AK5: variants seen among roughly 807,000 people sequenced by gnomAD.
AK5 encodes adenylate kinase isoenzyme 5.
A neutral mutation model predicts 69.5 loss-of-function variants in AK5; 27 were observed. The ratio of observed to expected loss-of-function variants is 0.39; its 90% CI spans 0.29 to 0.54. The LOEUF (loss-of-function observed/expected upper bound fraction) is 0.54. Ranked by LOEUF, AK5 falls within the 20% of genes least tolerant of loss-of-function variation. The pLI is 0.71. For synonymous variants in AK5, 260 were observed against 244.4 expected (o/e 1.06, Z -0.60); for missense variants, 531 against 700.4 (o/e 0.76, Z 2.73).
At chr1:77,351,994 A>G (rs1246035115) in intron 6 of AK5, among the ~76,000 whole-genome samples, 1 of 148,510 alleles carries the variant, frequency 6.7e-6, no homozygotes, top group Non-Finnish European at 1.5e-5. Flanking sequence ...CAGTGGTGCA[A>G]TCTCGGCTCA....
At chr1:77,501,655 GA>G (rs1656728260) in intron 10 of AK5, among the ~76,000 whole-genome samples, 1 of 152,194 alleles carries the variant, frequency 6.6e-6, no homozygotes, top group South Asian at 2.1e-4. Context: ...ATCATTGAGC[GA>G]AATGTTGTTA....
intron 8 of AK5, among the ~76,000 whole-genome samples, chr1:77,438,658 G>C (rs1042294868): frequency 2.0e-5 from 3 of 152,090 alleles, no homozygotes; most frequent in African/African-American, 4.8e-5. Context: ...TGCATAACCA[G>C]ACCAAAATGA....
At chr1:77,312,761 A>G (rs1230002205) in intron 5 of AK5, among the ~76,000 whole-genome samples, 1 of 152,032 alleles carries the variant, frequency 6.6e-6, no homozygotes. Context: ...AAGTCCCTCC[A>G]TTACACGTAC....
intron 8 of AK5, among the ~76,000 whole-genome samples, chr1:77,432,017 T>C (rs1288587531): frequency 1.3e-5 from 2 of 152,158 alleles, no homozygotes; most frequent in African/African-American, 4.8e-5. Flanking sequence ...GAATTTTTTG[T>C]GGTAGTTTTG....
At chr1:77,368,497 G>T (rs28701620) in intron 6 of AK5, among the ~76,000 whole-genome samples, 6 of 150,674 alleles carry the variant, frequency 4.0e-5, no homozygotes, top group African/African-American at 1.5e-4. Context: ...TCAGCCACCC[G>T]TGTGGACAAT....
chr1:77,531,992 G>GGCCGGCCA (rs954945199), intron 12 of AK5: 6 of 126,224 alleles, frequency 4.8e-5, no homozygotes, highest in Admixed American at 8.1e-5. Context: ...GCGGCCATCC[G>GGCCGGCCA]GCCGGCCGGC....
At chr1:77,339,339 G>A (rs1331240901) in intron 5 of AK5, among the ~76,000 whole-genome samples, 1 of 152,180 alleles carries the variant, frequency 6.6e-6, no homozygotes, top group African/African-American at 2.4e-5. Flanking sequence ...ACTTCATATA[G>A]TCGTGCTATG....
intron 2 of AK5, among the ~76,000 whole-genome samples, chr1:77,293,297 C>A (rs186481542): frequency 6.6e-6 from 1 of 152,176 alleles, no homozygotes; most frequent in African/African-American, 2.4e-5. Context: ...ATGAAATACA[C>A]AATATATAAG....
intron 8 of AK5, among the ~76,000 whole-genome samples, chr1:77,459,292 A>G (rs146219013): frequency 9.7e-4 from 148 of 152,260 alleles, no homozygotes; most frequent in African/African-American, 3.3e-3. Flanking sequence ...TACTTTTCCA[A>G]ATGGTTAGGC....
rs1387412817 is a variant in AK5 at position 77,518,625 on chromosome 1, A to G, written c.1209A>G (p.Thr403=). ...AGCTGGTGGAAAAATATGGATTTAC[A>G]CATCTCTCAACTGGCGAGCTCCTGC... ...CEKLVEKYGF[T]HLSTGELLRE... Residue 403 remains threonine, a synonymous_variant, in exon 11 of 14, where the codon ACA becomes ACG. Transcript: ENST00000354567. The G allele has an allele frequency of 1.2e-6, 2 of 1,614,168 alleles. No homozygotes were observed. The highest frequency in any genetic ancestry group is 1.7e-6 in the Non-Finnish European group (2 of 1,180,014).
chr1:77,387,235 A>C (rs929859180), intron 6 of AK5, among the ~76,000 whole-genome samples: 1 of 152,208 alleles, frequency 6.6e-6, no homozygotes, highest in African/African-American at 2.4e-5. Flanking sequence ...AGAAGTCAAG[A>C]AGGAGTTAAG....
chr1:77,442,723 C>A (rs72681661), intron 8 of AK5, among the ~76,000 whole-genome samples: 1 of 152,154 alleles, frequency 6.6e-6, no homozygotes, highest in East Asian at 1.9e-4. Flanking sequence ...GGGACAAGCG[C>A]TAAGGACTTC....
intron 6 of AK5, among the ~76,000 whole-genome samples, chr1:77,352,514 T>C (rs902024103): frequency 6.6e-6 from 1 of 152,154 alleles, no homozygotes; most frequent in Middle Eastern, 3.2e-3. Flanking sequence ...TATGTCCAAG[T>C]AGAGTTAAAC....
At chr1:77,282,923 A>T in intron 1 of AK5, 3 of 985,974 alleles carry the variant, frequency 3.0e-6, no homozygotes, top group Non-Finnish European at 3.6e-6. Flanking sequence ...CTCCCCGGTG[A>T]CAGGCCCCCA....
At chr1:77,286,262 A>G (rs1658344087) in intron 1 of AK5, among the ~76,000 whole-genome samples, 1 of 151,802 alleles carries the variant, frequency 6.6e-6, no homozygotes, top group Admixed American at 6.6e-5. Context: ...TGAGGTTTAG[A>G]GACATAAAGG....
intron 10 of AK5, among the ~76,000 whole-genome samples, chr1:77,515,098 G>T (rs1657560277): frequency 6.6e-6 from 1 of 152,178 alleles, no homozygotes. Flanking sequence ...GCAGTTGGCT[G>T]CTTCTTTAAG....
chr1:77,315,428 A>AT (rs1304191398), intron 5 of AK5, among the ~76,000 whole-genome samples: 2 of 152,150 alleles, frequency 1.3e-5, no homozygotes, highest in African/African-American at 2.4e-5. Flanking sequence ...ATAACCAATA[A>AT]TTTTAGCAAT....
chr1:77,457,384 A>G (rs189652064), intron 8 of AK5, among the ~76,000 whole-genome samples: 148 of 152,268 alleles, frequency 9.7e-4, no homozygotes, highest in African/African-American at 3.4e-3. Context: ...AGAATTGGAT[A>G]TAAGGCTTTC....
At chr1:77,371,232 G>C (rs1647116395) in intron 6 of AK5, 1 of 152,202 alleles carries the variant, frequency 6.6e-6, no homozygotes, top group Non-Finnish European at 1.5e-5. Context: ...ACCCCTTCTT[G>C]GCACCATTTA....
Sources: allele counts gnomAD v4.1 joint callset (sites outside exome capture counted in the v4.1 genomes callset), GRCh38; gene constraint gnomAD v4.1.1; transcripts MANE v1.5; gene names NCBI Gene and HGNC (gene_info 2026-07-23, HGNC 2026-07-21).